JAKMIP1: variants seen among roughly 807,000 people sequenced by gnomAD.
JAKMIP1 encodes the protein janus kinase and microtubule interacting protein 1.
Under a neutral mutation model 113.0 loss-of-function variants are expected in JAKMIP1, and 33 were observed. That is an observed-to-expected ratio of 0.29 (90% CI 0.22 to 0.39). The LOEUF (loss-of-function observed/expected upper bound fraction) is 0.39, where lower values mean the gene tolerates loss of function less well. Among genes scored for constraint, JAKMIP1 ranks in the 10% least tolerant of loss-of-function variants. JAKMIP1 has a pLI of 1.00. For synonymous variants in JAKMIP1, 480 were observed against 459.9 expected (o/e 1.04, Z -0.56); for missense variants, 813 against 1,080.5 (o/e 0.75, Z 3.47).
chr4:6,036,168 G>T lies in JAKMIP1; in HGVS notation c.2176-61C>A, dbSNP rs184444794. 1.4e-3 allele frequency: 1,809 copies of T among 1,316,262 alleles called. 18 individuals carry two copies. The African/African-American group carries it at 0.024, about 18-fold the overall frequency. The allele number at this position is 1,316,262 out of a possible 1,614,324, so 81.5% of individuals were successfully genotyped here. On this transcript the variant is annotated intron_variant, in intron 18 of 20. Coordinates refer to ENST00000409021, the MANE Select transcript of JAKMIP1 (RefSeq NM_001099433.2). ...ACAAGGAGGTGGACAGGAACCACCA[G>T]AAGGCTGCTGCCAGTGGAGGCAGAG...
chr4:6,098,167 A>T (rs937703992), intron 3 of JAKMIP1, among the ~76,000 whole-genome samples: 3 of 152,190 alleles, frequency 2.0e-5, no homozygotes, highest in Non-Finnish European at 4.4e-5. Flanking sequence ...GCGGTGGCTC[A>T]CGCCTGTAAT....
intron 8 of JAKMIP1, among the ~76,000 whole-genome samples, chr4:6,074,412 C>A (rs1380994988): frequency 6.6e-6 from 1 of 152,190 alleles, no homozygotes; most frequent in Non-Finnish European, 1.5e-5. Context: ...AGTTCTGGAA[C>A]TTTCAATGCA....
intron 1 of JAKMIP1, among the ~76,000 whole-genome samples, chr4:6,124,020 C>T (rs754332046): frequency 2.9e-4 from 44 of 152,174 alleles, no homozygotes; most frequent in Non-Finnish European, 4.1e-4. Flanking sequence ...TTTCCTAACA[C>T]GTACTCTGGG....
intron 18 of JAKMIP1, among the ~76,000 whole-genome samples, chr4:6,036,508 G>T (rs1284262797): frequency 6.6e-6 from 1 of 152,172 alleles, no homozygotes; most frequent in Non-Finnish European, 1.5e-5. Context: ...GTGCCAATGG[G>T]GAAATATGTC....
chr4:6,041,606 A>T (rs747312197), intron 17 of JAKMIP1, among the ~76,000 whole-genome samples: 3 of 152,232 alleles, frequency 2.0e-5, no homozygotes, highest in Non-Finnish European at 4.4e-5. Flanking sequence ...CAGGTACCCA[A>T]GGTGCCAAGC....
At position 6,106,690 on chromosome 4, in the gene JAKMIP1, A is replaced by G. The variant is rs1447800900; in HGVS notation, c.130-723T>C. Reference sequence around the variant, plus strand: ...CCGCCTTGAGCCTATTCATTTTATCAGCAAACAATTCAAAACATTACTTAT... The same window carrying G: ...CCGCCTTGAGCCTATTCATTTTATCGGCAAACAATTCAAAACATTACTTAT... On this transcript the variant is annotated intron_variant, in intron 2 of 20. Transcript: ENST00000409021. The surrounding 1 kb of genome is among the most constrained non-coding windows in gnomAD (Gnocchi z 5.9). Among the ~76,000 whole-genome samples, 1 of 152,174 alleles carries G rather than the reference A, an allele frequency of 6.6e-6. No homozygotes were observed. The highest frequency in any genetic ancestry group is 1.5e-5 in the Non-Finnish European group (1 of 68,034).
intron 20 of JAKMIP1, among the ~76,000 whole-genome samples, chr4:6,026,651 G>T (rs1711852259): frequency 6.6e-6 from 1 of 151,938 alleles, no homozygotes; most frequent in Non-Finnish European, 1.5e-5. Flanking sequence ...ATGGTCAGCG[G>T]CTCCCACCAA....
rs1293962377 is a variant in JAKMIP1 at position 6,086,902 on chromosome 4, C to G, written c.625-1273G>C. On this transcript the variant is annotated intron_variant, in intron 3 of 20. Coordinates refer to ENST00000409021, the MANE Select transcript of JAKMIP1 (RefSeq NM_001099433.2). The surrounding 1 kb of genome is among the most constrained non-coding windows in gnomAD (Gnocchi z 4.1). Reference sequence around the variant, plus strand: ...AGCCAAGGAACTCAAGGTCAGCCAGCAACACCAGCATCAGGAAGAGGCTGG... The same window carrying G: ...AGCCAAGGAACTCAAGGTCAGCCAGGAACACCAGCATCAGGAAGAGGCTGG... Among the ~76,000 whole-genome samples the G allele has an allele frequency of 1.3e-5, 2 of 152,090 alleles. No individual in the cohort carries two copies. The highest frequency in any genetic ancestry group is 2.9e-5 in the Non-Finnish European group (2 of 68,010).
intron 1 of JAKMIP1, among the ~76,000 whole-genome samples, chr4:6,148,298 C>G (rs886893315): frequency 6.6e-6 from 1 of 152,210 alleles, no homozygotes; most frequent in East Asian, 1.9e-4. Flanking sequence ...CCCCAGGAGG[C>G]AATTTACCTA....
chr4:6,166,017 C>CT (rs1310902383), intron 1 of JAKMIP1, among the ~76,000 whole-genome samples: 3 of 152,184 alleles, frequency 2.0e-5, no homozygotes, highest in African/African-American at 7.2e-5. Flanking sequence ...CTCCACTCCA[C>CT]TTTCACGTCA....
chr4:6,157,222 G>A lies in JAKMIP1; in HGVS notation c.-148+43031C>T, dbSNP rs141507420. ...CCCAGCCTCCAGAACTGTAAGAAAC[G>A]CATTTATTTTCTTTATAAACTACCC... is the stretch of plus-strand genomic sequence containing the variant. On this transcript the variant is annotated intron_variant, in intron 1 of 20. Coordinates refer to ENST00000409021, the MANE Select transcript of JAKMIP1 (RefSeq NM_001099433.2). The surrounding 1 kb of genome is among the most constrained non-coding windows in gnomAD (Gnocchi z 4.7). Among the ~76,000 whole-genome samples, 8 of 152,200 alleles carry A rather than the reference G, an allele frequency of 5.3e-5. No individual in the cohort carries two copies. The East Asian group carries it at 9.7e-4, about 18-fold the overall frequency.
At position 6,196,374 on chromosome 4, in the gene JAKMIP1, C is replaced by A. The variant is rs527733547; in HGVS notation, c.-148+3879G>T. On this transcript the variant is annotated intron_variant, in intron 1 of 20. Coordinates refer to ENST00000409021, the MANE Select transcript of JAKMIP1 (RefSeq NM_001099433.2). ...CTGCCCCTCCCTGCTGATCCACAGC[C>A]CCCTGCACAGTCCACCTGGCCTCAG... Among the ~76,000 whole-genome samples the A allele has an allele frequency of 4.6e-5, 7 of 152,310 alleles. No homozygotes were observed. In the East Asian group the frequency reaches 1.4e-3, roughly 29 times the overall value.
intron 3 of JAKMIP1, among the ~76,000 whole-genome samples, chr4:6,098,158 C>T (rs1247205530): frequency 6.6e-6 from 1 of 152,144 alleles, no homozygotes; most frequent in Admixed American, 6.5e-5. Context: ...TCGTCGCGTG[C>T]GGTGGCTCAC....
At chr4:6,091,148 G>A (rs138683362) in intron 3 of JAKMIP1, among the ~76,000 whole-genome samples, 445 of 152,284 alleles carry the variant, frequency 2.9e-3, no homozygotes, top group Non-Finnish European at 4.3e-3. Flanking sequence ...TATCAGACAG[G>A]GTGTGGGTGA....
At position 6,186,496 on chromosome 4, in the gene JAKMIP1, C is replaced by T. The variant is rs542832611; in HGVS notation, c.-148+13757G>A. 2.9e-4 allele frequency among the ~76,000 whole-genome samples: 44 copies of T among 152,316 alleles called. No individual in the cohort carries two copies. The highest frequency in any genetic ancestry group is 7.9e-4 in the African/African-American group (33 of 41,568). ...AGGCATGGCTTGATGCTACTGACTT[C>T]TAACTTCATTGCATTGTAGTCACAG... On this transcript the variant is annotated intron_variant, in intron 1 of 20. Coordinates refer to ENST00000409021, the MANE Select transcript of JAKMIP1 (RefSeq NM_001099433.2). The surrounding 1 kb of genome is among the most constrained non-coding windows in gnomAD (Gnocchi z 5.5).
At chr4:6,038,745 G>T (rs962953158) in intron 18 of JAKMIP1, among the ~76,000 whole-genome samples, 5 of 152,338 alleles carry the variant, frequency 3.3e-5, no homozygotes, top group African/African-American at 9.6e-5. Context: ...GAGCTGCGGG[G>T]CCCCCAGGTG....
chr4:6,104,864 T>C (rs1713642122), intron 3 of JAKMIP1, among the ~76,000 whole-genome samples: 1 of 152,206 alleles, frequency 6.6e-6, no homozygotes. Context: ...GTTTCCATTG[T>C]TTCATGCCCA....
Position 6,178,628 on chromosome 4 carries a change from T to C in JAKMIP1, c.-148+21625A>G, listed in dbSNP as rs1192559558. Reference sequence around the variant, plus strand: ...TGAAGAAGGACGTGTTTGCTTCCCCTAATGCCATGATTGTAAGTTTTTTAA... The same window carrying C: ...TGAAGAAGGACGTGTTTGCTTCCCCCAATGCCATGATTGTAAGTTTTTTAA... On this transcript the variant is annotated intron_variant, in intron 1 of 20. Coordinates refer to ENST00000409021, the MANE Select transcript of JAKMIP1 (RefSeq NM_001099433.2). The surrounding 1 kb of genome is among the most constrained non-coding windows in gnomAD (Gnocchi z 5.5). 6.6e-6 allele frequency among the ~76,000 whole-genome samples: 1 copy of C among 152,206 alleles called. No individual in the cohort carries two copies. The highest frequency in any genetic ancestry group is 2.4e-5 in the African/African-American group (1 of 41,448).
At chr4:6,056,884 C>T (rs1244603903) in intron 11 of JAKMIP1, 125 bp from the exon 12 acceptor site, 24 of 683,786 alleles carry the variant, frequency 3.5e-5, no homozygotes, top group South Asian at 3.0e-4. Flanking sequence ...AAATGACAGC[C>T]GTGATGTGCC....
Sources: allele counts gnomAD v4.1 joint callset (sites outside exome capture counted in the v4.1 genomes callset), GRCh38; gene constraint gnomAD v4.1.1; non-coding constraint Gnocchi (gnomAD v3.1); transcripts MANE v1.5; gene names NCBI Gene and HGNC (gene_info 2026-07-23, HGNC 2026-07-21).